DGKZ: variants seen among roughly 807,000 people sequenced by gnomAD.
DGKZ encodes the protein diacylglycerol kinase zeta.
A neutral mutation model predicts 142.5 loss-of-function variants in DGKZ; 45 were observed. That is an observed-to-expected ratio of 0.32 (90% CI 0.25 to 0.40). DGKZ has a LOEUF of 0.40. Ranked by LOEUF, DGKZ falls within the 10% of genes least tolerant of loss-of-function variation. The probability of loss-of-function intolerance (pLI) is 1.00; values close to 1 mark genes in which losing one functional copy is unlikely to be tolerated. For missense variants in DGKZ, 755 were observed against 1,306.5 expected (o/e 0.58, Z 6.51); for synonymous variants, 442 against 527.0 (o/e 0.84, Z 2.21).
chr11:46,360,238 AGT>A (rs1942492885), intron 1 of DGKZ, among the ~76,000 whole-genome samples: 1 of 152,188 alleles, frequency 6.6e-6, no homozygotes, highest in African/African-American at 2.4e-5. Flanking sequence ...TATTTATAAA[AGT>A]GTTGTTTATA....
At chr11:46,337,287 CTTTTTTT>C (rs948859545) in intron 1 of DGKZ, among the ~76,000 whole-genome samples, 1 of 86,300 alleles carries the variant, frequency 1.2e-5, no homozygotes, top group East Asian at 3.0e-4. Context: ...TAAATGGGTT[CTTTTTTT>C]TTTTTTTTTT....
rs774510878 is a variant in DGKZ at position 46,372,910 on chromosome 11, A to G, written c.1185+26A>G. 3.2e-6 allele frequency: 5 copies of G among 1,559,860 alleles called. No individual in the cohort carries two copies. The South Asian group carries it at 5.9e-5, about 18-fold the overall frequency. Reference sequence around the variant, plus strand: ...GTAAGCACCCATAGGAGGGGGGTGCAGCTGGGGCCTCTCCAGCCACAGAGG... The same window carrying G: ...GTAAGCACCCATAGGAGGGGGGTGCGGCTGGGGCCTCTCCAGCCACAGAGG... On this transcript the variant is annotated intron_variant, in intron 13 of 30. Transcript: ENST00000527911. This position sits in a 1 kb window ranked among gnomAD's most constrained non-coding sequence, Gnocchi z 5.9.
intron 1 of DGKZ, chr11:46,365,766 A>G (rs1943177790): frequency 2.0e-6 from 2 of 985,274 alleles, no homozygotes; most frequent in South Asian, 4.7e-5. Flanking sequence ...TGGTGGCAAA[A>G]CAAAGGCCCA....
At chr11:46,378,663 A>ATC (rs1244839991) in intron 27 of DGKZ, 163 bp downstream of exon 27, 9 of 1,017,178 alleles carry the variant, frequency 8.8e-6, no homozygotes, top group Non-Finnish European at 1.3e-5. Flanking sequence ...ACTTCACTGT[A>ATC]TCTCTGTCTA....
intron 9 of DGKZ, 140 bp from the exon 10 acceptor site, chr11:46,371,935 C>G (rs1590596636): frequency 8.1e-7 from 1 of 1,231,038 alleles, no homozygotes; most frequent in Non-Finnish European, 1.2e-6. Context: ...AGTTTCTGCT[C>G]TGTGGCCTGG....
intron 1 of DGKZ, among the ~76,000 whole-genome samples, chr11:46,349,499 A>C (rs1242484907): frequency 6.6e-6 from 1 of 152,220 alleles, no homozygotes; most frequent in African/African-American, 2.4e-5. Flanking sequence ...GAGAACCAAC[A>C]GATACCTTTA....
At position 46,374,757 on chromosome 11, in the gene DGKZ, C is replaced by T. The variant is rs758862063; in HGVS notation, c.1525-9C>T. ...CATGCACCTCAACACCCTCCCCGCCCGCCTCCAGTGTGATGGAATGGACTT... is the reference window on the plus strand; with the variant it reads ...CATGCACCTCAACACCCTCCCCGCCTGCCTCCAGTGTGATGGAATGGACTT... On this transcript the variant is annotated splice_polypyrimidine_tract_variant and intron_variant, in intron 17 of 30. Coordinates refer to ENST00000527911, the Ensembl canonical transcript of DGKZ. 2.2e-5 allele frequency: 35 copies of T among 1,612,792 alleles called. No individual in the cohort carries two copies. The highest frequency in any genetic ancestry group is 1.7e-4 in the Admixed American group (10 of 59,884).
intron 1 of DGKZ, among the ~76,000 whole-genome samples, chr11:46,351,901 A>G (rs1663115311): frequency 1.3e-5 from 2 of 152,136 alleles, no homozygotes; most frequent in Admixed American, 1.3e-4. Context: ...TTTTGTCTCC[A>G]TGCCATACTC....
chr11:46,334,373 C>T (rs1428682068), intron 1 of DGKZ, among the ~76,000 whole-genome samples: 3 of 152,214 alleles, frequency 2.0e-5, no homozygotes, highest in East Asian at 3.8e-4. Context: ...AGGGCAGCTG[C>T]GGTCCTTACA....
chr11:46,343,333 A>G (rs1418668656), upstream of DGKZ, among the ~76,000 whole-genome samples: 3 of 152,220 alleles, frequency 2.0e-5, no homozygotes, highest in Non-Finnish European at 4.4e-5. Context: ...TTACTGAAAA[A>G]TATTATGTTC....
chr11:46,374,677 C>T lies in DGKZ; in HGVS notation c.1524+11C>T. On this transcript the variant is annotated intron_variant, in intron 17 of 30. Coordinates refer to ENST00000527911, the Ensembl canonical transcript of DGKZ. ...CACATCCGAGTGGTGGTGAGCGGGG[C>T]CAGGCTGCCGTGGGTGGGTGGGCCG... is the stretch of plus-strand genomic sequence containing the variant. The T allele has an allele frequency of 6.2e-7, 1 of 1,600,988 alleles. No individual in the cohort carries two copies. Among genetic ancestry groups the T allele is most frequent in the East Asian group, 2.2e-5 (1 of 44,744 alleles).
At chr11:46,343,466 T>C (rs532941297), upstream of DGKZ, among the ~76,000 whole-genome samples, 6 of 152,350 alleles carry the variant, frequency 3.9e-5, no homozygotes, top group South Asian at 1.2e-3. Flanking sequence ...GTTTCTGTCC[T>C]CAAGAAATTC....
exon 14 of DGKZ, chr11:46,373,046 C>T (rs1944132400): frequency 6.5e-7 from 1 of 1,542,614 alleles, no homozygotes; most frequent in African/African-American, 1.4e-5. Flanking sequence ...GACCTCCACG[C>T]TGAGCCCAAC....
chr11:46,335,602 T>C (rs1006996230), intron 1 of DGKZ, among the ~76,000 whole-genome samples: 3 of 152,162 alleles, frequency 2.0e-5, no homozygotes, highest in African/African-American at 7.2e-5. Flanking sequence ...GTTACCTGTG[T>C]GAGGGCGGCA....
At chr11:46,354,456 G>T (rs574536239) in intron 1 of DGKZ, among the ~76,000 whole-genome samples, 41 of 152,314 alleles carry the variant, frequency 2.7e-4, no homozygotes, top group African/African-American at 9.9e-4. Context: ...TTGGCCTCCT[G>T]AGTTGCTGAG....
intron 1 of DGKZ, among the ~76,000 whole-genome samples, chr11:46,356,610 G>A (rs181369846): frequency 6.0e-4 from 91 of 152,224 alleles, no homozygotes; most frequent in African/African-American, 2.0e-3. Context: ...GGAGACCACC[G>A]GATGCCACGT....
Position 46,367,611 on chromosome 11 carries a change from G to A in DGKZ, c.271-41G>A. 1 of 1,556,890 alleles carries A rather than the reference G, an allele frequency of 6.4e-7. No homozygotes were observed. The highest frequency in any genetic ancestry group is 8.7e-7 in the Non-Finnish European group (1 of 1,147,526). On this transcript the variant is annotated intron_variant, in intron 2 of 30. Transcript: ENST00000527911. The surrounding 1 kb of genome is among the most constrained non-coding windows in gnomAD (Gnocchi z 4.1). ...GCGGGGGCTGATGGGAGGGAGGGCT[G>A]GGCGGCCAGCGTGTGCTGAGCAAGC... is the stretch of plus-strand genomic sequence containing the variant.
chr11:46,367,345 T>C lies in DGKZ; in HGVS notation c.216T>C (p.Pro72=). 1 of 1,612,860 alleles carries C rather than the reference T, an allele frequency of 6.2e-7. No homozygotes were observed. Among genetic ancestry groups the C allele is most frequent in the East Asian group, 2.2e-5 (1 of 44,880 alleles). The change falls in exon 2 of 31, where the codon CCT becomes CCC. Residue 72 remains proline (P), a synonymous_variant. Transcript: ENST00000527911. The surrounding 1 kb of genome is among the most constrained non-coding windows in gnomAD (Gnocchi z 4.1). ...ACCTGGCCCCCCCTCCGCCCACCCC[T>C]GGGGCCCCGTGCAGCGAGTCAGAGC...
At chr11:46,333,466 T>C (rs1305064094) in exon 1 of DGKZ, 3 of 1,539,338 alleles carry the variant, frequency 1.9e-6, no homozygotes, top group Admixed American at 2.0e-5. Flanking sequence ...CAGCTGCACC[T>C]ACGAAAGCAG....
Sources: gnomAD v4.1 joint callset for allele counts (sites outside exome capture counted in the v4.1 genomes callset) on GRCh38, gnomAD v4.1.1 for gene constraint, Gnocchi (gnomAD v3.1) non-coding constraint, MANE v1.5 for transcripts, NCBI Gene and HGNC (gene_info 2026-07-23, HGNC 2026-07-21) for gene names.